Variants in RBFOX1 observed in about 807,000 individuals in gnomAD.
The protein encoded by RBFOX1 is RNA binding fox-1 homolog 1.
Under a neutral mutation model 57.7 loss-of-function variants are expected in RBFOX1, and 8 were observed. That is an observed-to-expected ratio of 0.14 (90% confidence interval 0.08 to 0.25). The LOEUF (loss-of-function observed/expected upper bound fraction) is 0.25, where lower values mean the gene tolerates loss of function less well. Ranked by LOEUF, RBFOX1 falls within the 10% of genes least tolerant of loss-of-function variation. The probability of loss-of-function intolerance (pLI) is 1.00; values close to 1 mark genes in which losing one functional copy is unlikely to be tolerated. For missense variants in RBFOX1, 611 were observed against 548.5 expected (o/e 1.11, Z -1.14); for synonymous variants, 326 against 222.4 (o/e 1.47, Z -4.15).
At chr16:6,311,025 G>A (rs932677159) in intron 1 of RBFOX1, among the ~76,000 whole-genome samples, 10 of 152,064 alleles carry the variant, frequency 6.6e-5, no homozygotes, top group African/African-American at 1.9e-4. Flanking sequence ...GCCTGGATGT[G>A]GTGGCTCACA....
At chr16:6,719,649 T>C (rs2065557004) in intron 3 of RBFOX1, among the ~76,000 whole-genome samples, 1 of 151,676 alleles carries the variant, frequency 6.6e-6, no homozygotes. Flanking sequence ...GGTTTCACCA[T>C]GTTAGCTAGG....
chr16:5,440,120 A>T (rs918499406), intron 1 of RBFOX1, among the ~76,000 whole-genome samples: 4 of 152,238 alleles, frequency 2.6e-5, no homozygotes, highest in Admixed American at 1.3e-4. Context: ...GGTTGACTAT[A>T]TCAGTGGGAT....
At chr16:6,838,585 G>A (rs965262948) in intron 3 of RBFOX1, among the ~76,000 whole-genome samples, 1 of 152,284 alleles carries the variant, frequency 6.6e-6, no homozygotes, top group East Asian at 1.9e-4. Context: ...CTCTTCTGCT[G>A]CCCCTCTGCT....
intron 3 of RBFOX1, among the ~76,000 whole-genome samples, chr16:5,813,206 C>T (rs1219445899): frequency 6.6e-6 from 1 of 152,114 alleles, no homozygotes; most frequent in East Asian, 1.9e-4. Context: ...CGGGGTTTCA[C>T]CATCTTGGTG....
At chr16:5,571,584 G>A (rs115129452) in intron 2 of RBFOX1, among the ~76,000 whole-genome samples, 1,655 of 152,150 alleles carry the variant, frequency 0.011, 42 homozygotes, top group African/African-American at 0.038. Flanking sequence ...TGCGCCCACC[G>A]CCAGAAGATA....
chr16:6,925,687 T>G (rs181265891), intron 3 of RBFOX1, among the ~76,000 whole-genome samples: 57 of 152,086 alleles, frequency 3.7e-4, no homozygotes, highest in African/African-American at 1.3e-3. Flanking sequence ...CAGCTTGATA[T>G]TTGAGCAAGT....
In RBFOX1 at chr16:5,939,863, G is replaced by C. The variant is rs919785333; in HGVS notation, c.351+72528G>C. On this transcript the variant is annotated intron_variant, in intron 4 of 19. Coordinates refer to the RBFOX1 transcript ENST00000641259. ...GGGGATCTATTGAGGCACAGTTGCA[G>C]GTTGACAGTGTGGTGGGATGAAAGT... Among the ~76,000 whole-genome samples the C allele has an allele frequency of 3.3e-5, 5 of 152,296 alleles. No homozygotes were observed. The East Asian group carries it at 9.7e-4, about 29-fold the overall frequency.
intron 4 of RBFOX1, among the ~76,000 whole-genome samples, chr16:5,870,129 A>G (rs1008705909): frequency 6.7e-6 from 1 of 149,358 alleles, no homozygotes. Context: ...CTACATTTAT[A>G]TTATTTATAT....
rs926874847 is a variant in RBFOX1 at position 6,323,077 on chromosome 16, C to T, written c.-64+6020C>T. Among the ~76,000 whole-genome samples the T allele has an allele frequency of 4.6e-5, 7 of 151,846 alleles. No homozygotes were observed. In the South Asian group the frequency reaches 6.2e-4, roughly 14 times the overall value. On this transcript the variant is annotated intron_variant, in intron 2 of 15. Coordinates refer to ENST00000550418, the MANE Select transcript of RBFOX1 (RefSeq NM_018723.4). ...GGGCAGGAACTCTGCAGACCTTTTT[C>T]GATCGAATGAGTACATGAGCATGGG...
At chr16:7,404,804 T>A (rs1043540969) in intron 4 of RBFOX1, among the ~76,000 whole-genome samples, 3 of 152,216 alleles carry the variant, frequency 2.0e-5, no homozygotes, top group African/African-American at 7.2e-5. Flanking sequence ...AGGTTATCAT[T>A]CCCTTTTCAC....
intron 1 of RBFOX1, among the ~76,000 whole-genome samples, chr16:5,306,563 C>T (rs1281444247): frequency 1.3e-5 from 2 of 152,170 alleles, no homozygotes; most frequent in Admixed American, 6.5e-5. Context: ...CTGCCTTGGC[C>T]TCCCAGATTG....
chr16:7,627,913 GA>G (rs1262257999), intron 10 of RBFOX1, among the ~76,000 whole-genome samples: 2 of 138,696 alleles, frequency 1.4e-5, no homozygotes, highest in East Asian at 2.0e-4. Flanking sequence ...ATTGCATAAA[GA>G]TTTTTTTTTT....
intron 1 of RBFOX1, among the ~76,000 whole-genome samples, chr16:5,420,228 G>A (rs982854702): frequency 6.6e-6 from 1 of 152,070 alleles, no homozygotes; most frequent in South Asian, 2.1e-4. Flanking sequence ...CAAACAAGGT[G>A]GATTTATGTT....
chr16:6,224,030 C>T (rs1390126566), intron 1 of RBFOX1, among the ~76,000 whole-genome samples: 1 of 152,024 alleles, frequency 6.6e-6, no homozygotes, highest in Non-Finnish European at 1.5e-5. Flanking sequence ...GGCGTTATTT[C>T]TGAGGGCTCT....
intron 4 of RBFOX1, among the ~76,000 whole-genome samples, chr16:6,011,671 G>A (rs1055081801): frequency 6.6e-6 from 1 of 152,150 alleles, no homozygotes; most frequent in Non-Finnish European, 1.5e-5. Context: ...ATGACCTCTT[G>A]CTGCTCCAAG....
intron 4 of RBFOX1, among the ~76,000 whole-genome samples, chr16:7,302,290 C>A (rs1185253851): frequency 6.6e-6 from 1 of 152,070 alleles, no homozygotes; most frequent in Non-Finnish European, 1.5e-5. Flanking sequence ...AACAGAACGA[C>A]AACAAAAAAT....
At chr16:7,304,974 G>T (rs1441957284) in intron 4 of RBFOX1, among the ~76,000 whole-genome samples, 2 of 146,952 alleles carry the variant, frequency 1.4e-5, no homozygotes, top group African/African-American at 2.5e-5. Flanking sequence ...CTAAGTTTGT[G>T]TGGTGCTATA....
At chr16:7,035,276 C>A (rs928588044) in intron 3 of RBFOX1, among the ~76,000 whole-genome samples, 2 of 152,110 alleles carry the variant, frequency 1.3e-5, no homozygotes, top group African/African-American at 4.8e-5. Context: ...CGCACCCTCC[C>A]CTTCATTCCT....
intron 1 of RBFOX1, among the ~76,000 whole-genome samples, chr16:6,299,843 A>G (rs1424156920): frequency 1.3e-5 from 2 of 152,194 alleles, no homozygotes; most frequent in Non-Finnish European, 2.9e-5. Flanking sequence ...AAAAAATGGC[A>G]TTAAAAACAC....
Sources: allele counts gnomAD v4.1 joint callset (sites outside exome capture counted in the v4.1 genomes callset), GRCh38; gene constraint gnomAD v4.1.1; transcripts MANE v1.5; gene names NCBI Gene and HGNC (gene_info 2026-07-23, HGNC 2026-07-21).